The following CCDC191 variants were observed in gnomAD, a reference collection of about 807,000 sequenced individuals.
The protein encoded by CCDC191 is coiled-coil domain containing 191.
CCDC191 carries 99 observed loss-of-function variants against 114.0 expected under a neutral mutation model. The observed-to-expected ratio is 0.87, with a 90% CI of 0.74 to 1.03. The LOEUF (loss-of-function observed/expected upper bound fraction) is 1.03. CCDC191 is among the 50% of genes least tolerant of loss of function. The pLI, the probability that CCDC191 is intolerant of heterozygous loss-of-function variation, is 0.00. For missense variants in CCDC191, 973 were observed against 1,087.0 expected (o/e 0.90, Z 1.47); for synonymous variants, 351 against 376.0 (o/e 0.93, Z 0.77).
intron 9 of CCDC191, among the ~76,000 whole-genome samples, chr3:114,010,527 C>T (rs2076050801): frequency 1.3e-5 from 2 of 152,144 alleles, no homozygotes; most frequent in South Asian, 4.1e-4. Flanking sequence ...GAATATTTTA[C>T]TTAGTTGTTT....
intron 11 of CCDC191, chr3:114,003,051 A>C: frequency 1.0e-6 from 1 of 985,446 alleles, no homozygotes; most frequent in Non-Finnish European, 1.2e-6. Flanking sequence ...ATATATTTGA[A>C]TCTAGTTTTA....
In CCDC191 at chr3:114,046,727, C is replaced by T. The variant is rs763298465; in HGVS notation, c.135G>A (p.Val45=). 1 of 1,609,190 alleles carries T rather than the reference C, an allele frequency of 6.2e-7. No individual in the cohort carries two copies. Among genetic ancestry groups the T allele is most frequent in the African/African-American group, 1.3e-5 (1 of 74,696 alleles). ...PDSVEHWIKR[V]EKASEFAVSN... is the part of the protein sequence containing the mutation. ...ACACTGCAAACTCTGAGGCTTTCTC[C>T]ACTCTCTTCAATATAACAGAAAAAA... The change falls in exon 3 of 17, where the codon GTG becomes GTA. Residue 45 remains valine, a synonymous_variant. Transcript: ENST00000295878.
At position 113,978,882 on chromosome 3, in the gene CCDC191, C is replaced by T; in HGVS notation, c.2436G>A (p.Lys812=). 1 of 1,614,006 alleles carries T rather than the reference C, an allele frequency of 6.2e-7. No homozygotes were observed. The stretch of plus-strand genomic sequence containing the variant: ...CCTGTAGCCAGCTCTGGATGACTCT[C>T]TTAAGCAGTATTTGGGAATAAAATT... ...ADQFYSQILL[K]RVIQSWLQYV... Residue 812 remains lysine, a synonymous_variant, in exon 15 of 17, where the codon AAG becomes AAA. Coordinates refer to ENST00000295878, the MANE Select transcript of CCDC191 (RefSeq NM_020817.2).
intron 10 of CCDC191, among the ~76,000 whole-genome samples, chr3:114,005,168 T>C (rs1263945684): frequency 3.3e-5 from 5 of 152,234 alleles, no homozygotes; most frequent in African/African-American, 1.2e-4. Context: ...GGCTGCTCCA[T>C]GTGGACCTGA....
In CCDC191 at chr3:113,978,226, A is replaced by G. The variant is rs1355032318; in HGVS notation, c.2566T>C (p.Ser856Pro). ...GCTGCAATCTCATGCTTGCCCTGAG[A>G]ATCGATCTTCACCTCCCTGACCATG... is the stretch of plus-strand genomic sequence containing the variant. ...FNMVREVKID[S>P]QGKHEIAAEH... The change falls in exon 16 of 17, where the codon TCT becomes CCT. Residue 856 changes from serine to proline, a missense_variant. Ser to Pro is a moderately conservative substitution (Grantham distance 74, BLOSUM62 -1). Transcript: ENST00000295878. 1 of 1,613,960 alleles carries G rather than the reference A, an allele frequency of 6.2e-7. No homozygotes were observed. Among genetic ancestry groups the G allele is most frequent in the Non-Finnish European group, 8.5e-7 (1 of 1,179,960 alleles).
chr3:114,039,732 A>T (rs1402683267), intron 4 of CCDC191, among the ~76,000 whole-genome samples: 1 of 151,448 alleles, frequency 6.6e-6, no homozygotes, highest in Non-Finnish European at 1.5e-5. Context: ...AGAAAAAAAA[A>T]TTAAAATTTC....
At chr3:114,035,201 A>G (rs930184935) in intron 5 of CCDC191, 53 bp from the exon 6 acceptor site, 11 of 1,315,058 alleles carry the variant, frequency 8.4e-6, no homozygotes, top group Non-Finnish European at 1.2e-5. Flanking sequence ...AGAAAGGGAT[A>G]TGAAAAGCCT....
intron 11 of CCDC191, chr3:114,003,993 G>T (rs1475435213): frequency 3.0e-6 from 3 of 985,216 alleles, no homozygotes; most frequent in African/African-American, 3.5e-5. Context: ...TTCTGGCCAG[G>T]TGCAGTGGTT....
At chr3:113,965,576 T>C (rs915265252) in intron 16 of CCDC191, among the ~76,000 whole-genome samples, 1 of 152,108 alleles carries the variant, frequency 6.6e-6, no homozygotes, top group Non-Finnish European at 1.5e-5. Flanking sequence ...TAGGTTATTT[T>C]TATTTTTATT....
chr3:114,028,866 C>A (rs1272001836), intron 7 of CCDC191, among the ~76,000 whole-genome samples: 2 of 150,726 alleles, frequency 1.3e-5, no homozygotes, highest in Non-Finnish European at 3.0e-5. Context: ...TTGCTGAACT[C>A]ATGGATTTTA....
In CCDC191 at chr3:114,005,499, C is replaced by T; in HGVS notation, c.1868+9G>A. The stretch of plus-strand genomic sequence containing the variant: ...ATGAGTCCAGCGAGTTCTGATAGAA[C>T]AGACATACTTCACAAGCATCTGGCA... On this transcript the variant is annotated intron_variant, in intron 10 of 16. Coordinates refer to ENST00000295878, the MANE Select transcript of CCDC191 (RefSeq NM_020817.2). The T allele has an allele frequency of 6.3e-7, 1 of 1,596,692 alleles. No homozygotes were observed. Among genetic ancestry groups the T allele is most frequent in the African/African-American group, 1.4e-5 (1 of 73,852 alleles).
chr3:114,000,338 T>C (rs2075830906), intron 13 of CCDC191, among the ~76,000 whole-genome samples: 1 of 152,176 alleles, frequency 6.6e-6, no homozygotes, highest in African/African-American at 2.4e-5. Flanking sequence ...TGGTCTTCTC[T>C]TGCTCTTTGA....
chr3:113,993,545 A>T (rs1281011411), intron 13 of CCDC191, among the ~76,000 whole-genome samples: 1 of 152,184 alleles, frequency 6.6e-6, no homozygotes, highest in Non-Finnish European at 1.5e-5. Context: ...ACGTCCATAT[A>T]AAAAATAAAT....
chr3:113,987,640 C>T (rs747859792), intron 13 of CCDC191, among the ~76,000 whole-genome samples: 2 of 152,184 alleles, frequency 1.3e-5, no homozygotes, highest in Non-Finnish European at 2.9e-5. Flanking sequence ...CTCAGGCAGT[C>T]CTCCTGCCTC....
chr3:114,006,611 T>TATATATAA (rs1387894277), intron 9 of CCDC191, among the ~76,000 whole-genome samples: 1 of 125,866 alleles, frequency 7.9e-6, no homozygotes. Flanking sequence ...TATATATATA[T>TATATATAA]ATATATAAAT....
chr3:114,048,595 G>A (rs1467239543), intron 2 of CCDC191, among the ~76,000 whole-genome samples: 2 of 152,042 alleles, frequency 1.3e-5, no homozygotes, highest in African/African-American at 2.4e-5. Context: ...CTACAGATAC[G>A]CATAGGCATC....
chr3:114,022,002 G>C (rs1048967587), intron 7 of CCDC191, among the ~76,000 whole-genome samples: 3 of 152,090 alleles, frequency 2.0e-5, no homozygotes, highest in Non-Finnish European at 4.4e-5. Flanking sequence ...ATTAAGGCTT[G>C]ATATAGGTAA....
At chr3:113,978,423 CAAAAG>C in intron 15 of CCDC191, 92 bp from the exon 16 acceptor site, 2 of 1,296,546 alleles carry the variant, frequency 1.5e-6, no homozygotes, top group Non-Finnish European at 2.1e-6. Context: ...AGAAATGAAA[CAAAAG>C]AAACAAATGA....
intron 2 of CCDC191, among the ~76,000 whole-genome samples, chr3:114,049,797 A>G (rs2076677976): frequency 6.6e-6 from 1 of 152,244 alleles, no homozygotes; most frequent in African/African-American, 2.4e-5. Context: ...TTAAAACATT[A>G]CATCCTTAAT....
Sources: gnomAD v4.1 joint callset for allele counts (sites outside exome capture counted in the v4.1 genomes callset) on GRCh38, gnomAD v4.1.1 for gene constraint, MANE v1.5 for transcripts, NCBI Gene and HGNC (gene_info 2026-07-23, HGNC 2026-07-21) for gene names.